The following TSC22D2 variants were observed in gnomAD, a reference collection of about 807,000 sequenced individuals.
TSC22D2 encodes TSC22 domain family member 2, also known as TSC22 domain family protein 2.
A neutral mutation model predicts 50.1 loss-of-function variants in TSC22D2; 5 were observed. The observed-to-expected ratio is 0.10, with a 90% CI of 0.05 to 0.21. The LOEUF (loss-of-function observed/expected upper bound fraction) is 0.21, where lower values mean the gene tolerates loss of function less well. Ranked by LOEUF, TSC22D2 falls within the 10% of genes least tolerant of loss-of-function variation. The pLI is 1.00. For missense variants in TSC22D2, 1,003 were observed against 1,015.5 expected, an observed-to-expected ratio of 0.99 and a Z score of 0.17; for synonymous variants, 501 against 450.1, an observed-to-expected ratio of 1.11 and a Z score of -1.43.
chr3:150,460,406 T>A lies in TSC22D2; in HGVS notation c.*1770T>A, dbSNP rs1456393978. ...CTGTAGCCAGCTAGCTAATCAGAGT[T>A]AATGAGAACCAGTAGTTAGTTCTCC... On this transcript the variant is annotated 3_prime_UTR_variant, in exon 3 of 3. Coordinates refer to ENST00000688009, the MANE Select transcript of TSC22D2 (RefSeq NM_001303264.2). 6.6e-6 allele frequency: 1 copy of A among 152,216 alleles called. No individual in the cohort carries two copies. The highest frequency in any genetic ancestry group is 1.9e-4 in the East Asian group (1 of 5,204). The allele number at this position is 152,216 out of a possible 1,614,324, so 9.4% of individuals were successfully genotyped here.
chr3:150,410,136 T>A lies in TSC22D2; in HGVS notation c.786T>A (p.Thr262=). The part of the protein sequence containing the change: ...LPPSEKMSQP[T]PAQPQSFSVG... ...CGTCGGAGAAAATGAGCCAGCCCAC[T>A]CCGGCCCAGCCGCAGAGTTTTAGCG... Residue 262 remains threonine, a synonymous_variant, in exon 1 of 3, where the codon ACT becomes ACA. Transcript: ENST00000688009. 1 of 1,611,974 alleles carries A rather than the reference T, an allele frequency of 6.2e-7. No homozygotes were observed. The highest frequency in any genetic ancestry group is 8.5e-7 in the Non-Finnish European group (1 of 1,179,730).
rs556037950 is a variant in TSC22D2 at position 150,452,763 on chromosome 3, A to G, written c.1959-4313A>G. On this transcript the variant is annotated intron_variant, in intron 1 of 2. Transcript: ENST00000688009. ...GCTCATTTAGTTATTTTGGAGCAGCAATTCCAGTAAATAAATATTTTCTTG... is the reference window on the plus strand; with the variant it reads ...GCTCATTTAGTTATTTTGGAGCAGCGATTCCAGTAAATAAATATTTTCTTG... 4.6e-5 allele frequency among the ~76,000 whole-genome samples: 7 copies of G among 152,330 alleles called. No homozygotes were observed. The South Asian group carries it at 1.5e-3, about 32-fold the overall frequency.
rs1721361643 is a variant in TSC22D2, at chr3:150,460,454, T to TA, written c.*1823dup. 1 of 152,094 alleles carries TA rather than the reference T, an allele frequency of 6.6e-6. No homozygotes were observed. Among genetic ancestry groups the TA allele is most frequent in the African/African-American group, 2.4e-5 (1 of 41,436 alleles). The allele number at this position is 152,094 out of a possible 1,614,324, so 9.4% of individuals were successfully genotyped here. A position where few individuals can be genotyped will look rare whatever the true frequency, so the allele number is the denominator to read the frequency against. On this transcript the variant is annotated 3_prime_UTR_variant, in exon 3 of 3. Coordinates refer to ENST00000688009, the MANE Select transcript of TSC22D2 (RefSeq NM_001303264.2). The stretch of plus-strand genomic sequence containing the variant: ...TCCGTGTTAAAAGACTTATTTGAAG[T>TA]AAAAATTTAATCAGATTAGCCACAA...
At position 150,450,456 on chromosome 3, in the gene TSC22D2, G is replaced by GT. The variant is rs900797118; in HGVS notation, c.1959-6611dup. On this transcript the variant is annotated intron_variant, in intron 1 of 2. Coordinates refer to ENST00000688009, the MANE Select transcript of TSC22D2 (RefSeq NM_001303264.2). Reference sequence around the variant, plus strand: ...TAATAATCTCTATGGGGCATTTTGGGTTTTTTTTTAATCATGAAATTAAAC... The same window carrying GT: ...TAATAATCTCTATGGGGCATTTTGGGTTTTTTTTTTAATCATGAAATTAAAC... Among the ~76,000 whole-genome samples the GT allele has an allele frequency of 6.6e-5, 10 of 150,810 alleles. No individual in the cohort carries two copies. The East Asian group carries it at 1.2e-3, about 18-fold the overall frequency.
At chr3:150,434,786 A>ATG (rs1302244049) in intron 1 of TSC22D2, among the ~76,000 whole-genome samples, 71 of 152,264 alleles carry the variant, frequency 4.7e-4, no homozygotes, top group Non-Finnish European at 4.1e-4. Flanking sequence ...CAAACACTTT[A>ATG]TATATGTGTA....
At chr3:150,421,755 G>C (rs1560082161) in intron 1 of TSC22D2, among the ~76,000 whole-genome samples, 1 of 151,938 alleles carries the variant, frequency 6.6e-6, no homozygotes, top group African/African-American at 2.4e-5. Flanking sequence ...TTGCCATGTT[G>C]TATCTAAACC....
intron 1 of TSC22D2, among the ~76,000 whole-genome samples, chr3:150,418,323 G>C (rs1381865417): frequency 2.0e-5 from 3 of 151,902 alleles, no homozygotes; most frequent in African/African-American, 7.2e-5. Flanking sequence ...TGGTGATGGA[G>C]TAATATAAGG....
intron 1 of TSC22D2, among the ~76,000 whole-genome samples, chr3:150,421,091 TA>T (rs1719991293): frequency 6.6e-6 from 1 of 152,154 alleles, no homozygotes; most frequent in Admixed American, 6.5e-5. Flanking sequence ...CTCCAAAAAA[TA>T]AATAAATAAT....
Position 150,460,603 on chromosome 3 carries a change from G to C in TSC22D2, c.*1967G>C, listed in dbSNP as rs1237477427. ...TATAAATCAAGGAACTAAGTACATA[G>C]GCTTGAGTAAGCAACCCTAAGGATG... is the stretch of plus-strand genomic sequence containing the variant. On this transcript the variant is annotated 3_prime_UTR_variant, in exon 3 of 3. Coordinates refer to ENST00000688009, the MANE Select transcript of TSC22D2 (RefSeq NM_001303264.2). 6.6e-6 allele frequency: 1 copy of C among 152,128 alleles called. No homozygotes were observed. The highest frequency in any genetic ancestry group is 6.6e-5 in the Admixed American group (1 of 15,260). 9.4% of individuals were successfully genotyped at this position (152,128 alleles called of 1,614,324 possible). A position where few individuals can be genotyped will look rare whatever the true frequency, so the allele number is the denominator to read the frequency against.
intron 1 of TSC22D2, among the ~76,000 whole-genome samples, chr3:150,436,641 C>T (rs969470822): frequency 6.6e-6 from 1 of 152,156 alleles, no homozygotes; most frequent in Non-Finnish European, 1.5e-5. Flanking sequence ...CTTTAAACGA[C>T]CACTTATCCT....
intron 1 of TSC22D2, among the ~76,000 whole-genome samples, chr3:150,414,666 G>C (rs1040767989): frequency 6.6e-6 from 1 of 152,024 alleles, no homozygotes; most frequent in Non-Finnish European, 1.5e-5. Flanking sequence ...GTGTGTCCTG[G>C]TATGTGCCAT....
intron 1 of TSC22D2, among the ~76,000 whole-genome samples, chr3:150,444,134 C>T (rs1453899713): frequency 6.6e-6 from 1 of 152,148 alleles, no homozygotes; most frequent in Non-Finnish European, 1.5e-5. Flanking sequence ...ATGCAAGGAA[C>T]ATCAAAAACC....
At chr3:150,454,930 G>A (rs530445555) in intron 1 of TSC22D2, among the ~76,000 whole-genome samples, 4 of 151,860 alleles carry the variant, frequency 2.6e-5, no homozygotes, top group East Asian at 1.9e-4. Flanking sequence ...CTTAGCTATG[G>A]GAATCATTCT....
intron 1 of TSC22D2, among the ~76,000 whole-genome samples, chr3:150,454,841 C>T (rs1264624459): frequency 1.3e-5 from 2 of 152,098 alleles, no homozygotes; most frequent in South Asian, 4.1e-4. Context: ...AAACCTGTTT[C>T]TTCTGTTGTC....
intron 1 of TSC22D2, among the ~76,000 whole-genome samples, chr3:150,455,793 G>C (rs2108105588): frequency 6.6e-6 from 1 of 152,178 alleles, no homozygotes; most frequent in East Asian, 1.9e-4. Context: ...AGAATATTTA[G>C]TAACATATAA....
At chr3:150,423,265 TAAAC>T (rs1262156359) in intron 1 of TSC22D2, 1 of 491,240 alleles carries the variant, frequency 2.0e-6, no homozygotes, top group East Asian at 3.4e-5. Context: ...AGCAGCAAAA[TAAAC>T]CAAAAGGACA....
Position 150,410,800 on chromosome 3 carries a change from C to T in TSC22D2, c.1450C>T (p.Pro484Ser), listed in dbSNP as rs772478836. Residue 484 changes from proline to serine, a missense_variant, in exon 1 of 3, where the codon CCG (proline) becomes TCG (serine). Pro to Ser is a moderately conservative substitution (Grantham distance 74). Coordinates refer to ENST00000688009, the MANE Select transcript of TSC22D2 (RefSeq NM_001303264.2). ...GAGQPQSVPP[P>S]QMGGSGPLSA... ...TGGGCAGCCCCAGTCCGTGCCTCCG[C>T]CGCAGATGGGTGGCAGTGGTCCGCT... 1.2e-6 allele frequency: 2 copies of T among 1,613,042 alleles called. No individual in the cohort carries two copies. Among genetic ancestry groups the T allele is most frequent in the East Asian group, 2.2e-5 (1 of 44,854 alleles).
At chr3:150,425,559 C>G (rs1328395934) in intron 1 of TSC22D2, among the ~76,000 whole-genome samples, 2 of 152,086 alleles carry the variant, frequency 1.3e-5, no homozygotes, top group African/African-American at 4.8e-5. Context: ...CTGCAAGTCC[C>G]TAACGTTATC....
chr3:150,458,504 A>G lies in TSC22D2; in HGVS notation c.2139A>G (p.Ser713=), dbSNP rs777433675. Residue 713 remains serine (S), a synonymous_variant, in exon 3 of 3, where the codon TCA becomes TCG. Coordinates refer to ENST00000688009, the MANE Select transcript of TSC22D2 (RefSeq NM_001303264.2). ...AAAATGCACTGTTAAAATCTCTTTC[A>G]AGCAATGATCAATTATCCCAACTCC... ...ERENALLKSL[S]SNDQLSQLPT... 1.2e-6 allele frequency: 2 copies of G among 1,614,190 alleles called. No homozygotes were observed. Among genetic ancestry groups the G allele is most frequent in the Non-Finnish European group, 1.7e-6 (2 of 1,180,034 alleles).
Sources: gnomAD v4.1 joint callset for allele counts (sites outside exome capture counted in the v4.1 genomes callset) on GRCh38, gnomAD v4.1.1 for gene constraint, MANE v1.5 for transcripts, NCBI Gene and HGNC (gene_info 2026-07-23, HGNC 2026-07-21) for gene names.